Variants in ATL2 observed in about 807,000 individuals in gnomAD.
The protein encoded by ATL2 is atlastin GTPase 2.
Under a neutral mutation model 73.9 loss-of-function variants are expected in ATL2, and 31 were observed. That is an observed-to-expected ratio of 0.42 (90% confidence interval 0.32 to 0.57). The LOEUF is 0.57. Among genes scored for constraint, ATL2 ranks in the 20% least tolerant of loss-of-function variants. ATL2 has a pLI of 0.14. For missense variants in ATL2, 738 were observed against 702.6 expected (o/e 1.05, Z -0.57); for synonymous variants, 291 against 237.5 (o/e 1.23, Z -2.07).
intron 6 of ATL2, among the ~76,000 whole-genome samples, chr2:38,313,605 C>T (rs528021539): frequency 6.6e-6 from 1 of 152,138 alleles, no homozygotes; most frequent in Non-Finnish European, 1.5e-5. Flanking sequence ...GCTATCTAGA[C>T]TGATTATAGA....
intron 1 of ATL2, chr2:38,358,526 TA>T: frequency 3.1e-6 from 1 of 318,114 alleles, no homozygotes; most frequent in Non-Finnish European, 6.5e-6. Flanking sequence ...CCGTCTCTAT[TA>T]AAAATACAAA....
intron 12 of ATL2, chr2:38,296,684 A>C: frequency 6.4e-7 from 1 of 1,562,216 alleles, no homozygotes; most frequent in Non-Finnish European, 8.7e-7. Flanking sequence ...TAGGTTTCTC[A>C]CCTTCCTGGG....
At chr2:38,327,865 G>C (rs1317290622) in intron 2 of ATL2, among the ~76,000 whole-genome samples, 2 of 152,208 alleles carry the variant, frequency 1.3e-5, no homozygotes, top group African/African-American at 2.4e-5. Flanking sequence ...GAATCAGAGA[G>C]GCGGAGGTTG....
chr2:38,298,179 C>T lies in ATL2; in HGVS notation c.1597G>A (p.Val533Met), dbSNP rs779794584. The part of the protein sequence containing the change: ...YSGEFREIGT[V>M]IDQIAETLWE... ...AGTGTTTCAGCAATCTGATCAATCA[C>T]TGTTCCAATTTCTCTGAACTCCCCA... is the stretch of plus-strand genomic sequence containing the variant. The change falls in exon 12 of 13, where the codon GTG (valine) becomes ATG (methionine). Residue 533 changes from valine to methionine, a missense_variant. By Grantham distance (21) the Val-to-Met change is conservative. Transcript: ENST00000378954. 1.2e-6 allele frequency: 2 copies of T among 1,613,810 alleles called. No individual in the cohort carries two copies. The highest frequency in any genetic ancestry group is 1.1e-5 in the South Asian group (1 of 90,962).
rs1418115315 is a variant in ATL2 at position 38,340,692 on chromosome 2, T to C, written c.363+2576A>G. ...AATAAAATAAATCCAACTACCCCATTATTTCTCCTTCTTTACTTTCATCTC... is the reference window on the plus strand; with the variant it reads ...AATAAAATAAATCCAACTACCCCATCATTTCTCCTTCTTTACTTTCATCTC... On this transcript the variant is annotated intron_variant, in intron 2 of 12. Coordinates refer to ENST00000378954, the MANE Select transcript of ATL2 (RefSeq NM_001135673.4). Among the ~76,000 whole-genome samples the C allele has an allele frequency of 3.3e-5, 5 of 152,308 alleles. No individual in the cohort carries two copies. In the East Asian group the frequency reaches 9.6e-4, roughly 29 times the overall value.
rs1310252432 is a variant in ATL2, at chr2:38,313,312, T to C, written c.712-69A>G. 1.2e-5 allele frequency: 14 copies of C among 1,142,750 alleles called. No individual in the cohort carries two copies. In the East Asian group the frequency reaches 3.3e-4, roughly 27 times the overall value. 70.8% of individuals were successfully genotyped at this position (1,142,750 alleles called of 1,614,324 possible). A position where few individuals can be genotyped will look rare whatever the true frequency, so the allele number is the denominator to read the frequency against. On this transcript the variant is annotated intron_variant, in intron 6 of 12. Transcript: ENST00000378954. The stretch of plus-strand genomic sequence containing the variant: ...AAATTTACGAAAAAATCACAACTCT[T>C]AACAATTGAAGCCTCTCTTACTCTC...
intron 12 of ATL2, chr2:38,296,635 C>G (rs752776178): frequency 1.2e-6 from 2 of 1,603,716 alleles, no homozygotes; most frequent in African/African-American, 2.7e-5. Context: ...CAGAGTGCCT[C>G]GAAGCTAAAG....
chr2:38,351,820 G>C (rs1670364651), intron 1 of ATL2, among the ~76,000 whole-genome samples: 1 of 149,014 alleles, frequency 6.7e-6, no homozygotes, highest in African/African-American at 2.5e-5. Flanking sequence ...ATTTTAAACA[G>C]CATAAAATTG....
At position 38,368,433 on chromosome 2, in the gene ATL2, G is replaced by C. The variant is rs991954730; in HGVS notation, c.118+8710C>G. Among the ~76,000 whole-genome samples the C allele has an allele frequency of 2.0e-5, 3 of 151,996 alleles. No homozygotes were observed. In the East Asian group the frequency reaches 5.8e-4, roughly 29 times the overall value. The stretch of plus-strand genomic sequence containing the variant: ...ACGCCCGGCTAATTTTGTATTTTTA[G>C]TAGAGGCGGGGTTTCTCCATGTTGG... On this transcript the variant is annotated intron_variant, in intron 1 of 12. Transcript: ENST00000378954.
At chr2:38,343,046 G>A (rs1021973461) in intron 2 of ATL2, among the ~76,000 whole-genome samples, 13 of 150,274 alleles carry the variant, frequency 8.7e-5, no homozygotes, top group African/African-American at 2.9e-4. Flanking sequence ...TTCTCGGGAG[G>A]CTGAGGTGGG....
At chr2:38,296,932 T>A (rs564346833) in intron 12 of ATL2, among the ~76,000 whole-genome samples, 1 of 152,242 alleles carries the variant, frequency 6.6e-6, no homozygotes, top group African/African-American at 2.4e-5. Context: ...TATTGAAAAT[T>A]ATATTGCAGA....
intron 1 of ATL2, among the ~76,000 whole-genome samples, chr2:38,364,616 T>G (rs1370144003): frequency 6.6e-6 from 1 of 152,242 alleles, no homozygotes; most frequent in East Asian, 1.9e-4. Context: ...ACATTCCTAT[T>G]TCCGGAAGTA....
chr2:38,358,101 G>A (rs150077248), intron 1 of ATL2, among the ~76,000 whole-genome samples: 6 of 152,280 alleles, frequency 3.9e-5, no homozygotes, highest in African/African-American at 7.2e-5. Context: ...CCAAGATGAT[G>A]CCAAAATTGC....
At position 38,298,160 on chromosome 2, in the gene ATL2, T is replaced by A. The variant is rs1328184569; in HGVS notation, c.1616A>T (p.Glu539Val). 2.5e-6 allele frequency: 4 copies of A among 1,612,584 alleles called. No individual in the cohort carries two copies. The highest frequency in any genetic ancestry group is 3.4e-6 in the Non-Finnish European group (4 of 1,179,136). ...GATACCAACCTGTTCCCATAGTGTT[T>A]CAGCAATCTGATCAATCACTGTTCC... Reference protein sequence around the residue: ...EIGTVIDQIAETLWEQVLKPL... With the variant: ...EIGTVIDQIAVTLWEQVLKPL... The change falls in exon 12 of 13, where the codon GAA becomes GTA. Residue 539 changes from glutamate to valine, a missense_variant. By Grantham distance (121) the Glu-to-Val change is moderately radical. Coordinates refer to ENST00000378954, the MANE Select transcript of ATL2 (RefSeq NM_001135673.4).
intron 4 of ATL2, 188 bp downstream of exon 4, chr2:38,318,347 C>T (rs965354740): frequency 3.0e-5 from 12 of 398,048 alleles, no homozygotes; most frequent in Non-Finnish European, 4.9e-5. Context: ...GGCATGGTGG[C>T]GGGGGCCTGT....
At chr2:38,352,992 G>T (rs1347589634) in intron 1 of ATL2, among the ~76,000 whole-genome samples, 3 of 152,100 alleles carry the variant, frequency 2.0e-5, no homozygotes, top group Non-Finnish European at 4.4e-5. Flanking sequence ...CCAAAAACAA[G>T]CTAAGAGAAT....
At chr2:38,301,522 C>T (rs572749887) in intron 9 of ATL2, among the ~76,000 whole-genome samples, 1 of 152,346 alleles carries the variant, frequency 6.6e-6, no homozygotes, top group South Asian at 2.1e-4. Context: ...CACCCCTCCC[C>T]CATCCTCTCA....
intron 1 of ATL2, among the ~76,000 whole-genome samples, chr2:38,348,199 G>C (rs1360752491): frequency 6.6e-6 from 1 of 152,066 alleles, no homozygotes; most frequent in Non-Finnish European, 1.5e-5. Context: ...AGGCGCGGTG[G>C]CTCACGCCTG....
At chr2:38,303,511 CT>C (rs1285829721) in intron 9 of ATL2, among the ~76,000 whole-genome samples, 1 of 151,796 alleles carries the variant, frequency 6.6e-6, no homozygotes, top group African/African-American at 2.4e-5. Flanking sequence ...AACACAAGAC[CT>C]GAACAAGCAG....
Sources: allele counts gnomAD v4.1 joint callset (sites outside exome capture counted in the v4.1 genomes callset), GRCh38; gene constraint gnomAD v4.1.1; transcripts MANE v1.5; gene names NCBI Gene and HGNC (gene_info 2026-07-23, HGNC 2026-07-21).